The following TRPM2 variants were observed in gnomAD, a reference collection of about 807,000 sequenced individuals.
TRPM2 encodes the protein transient receptor potential cation channel subfamily M member 2, also known as estrogen-responsive element-associated gene 1 protein.
A neutral mutation model predicts 174.0 loss-of-function variants in TRPM2; 161 were observed. The ratio of observed to expected loss-of-function variants is 0.93; its 90% CI spans 0.81 to 1.05. TRPM2 has a LOEUF of 1.05. TRPM2 is among the 50% of genes least tolerant of loss of function. The pLI is 0.00. For synonymous variants in TRPM2, 954 were observed against 861.3 expected, an observed-to-expected ratio of 1.11 and a Z score of -1.88; for missense variants, 2,057 against 2,038.0, an observed-to-expected ratio of 1.01 and a Z score of -0.18.
rs1397442891 is a variant in TRPM2, at chr21:44,391,492, C to T, written c.1661C>T (p.Pro554Leu). 1.2e-6 allele frequency: 2 copies of T among 1,609,248 alleles called. No homozygotes were observed. Among genetic ancestry groups the T allele is most frequent in the African/African-American group, 1.3e-5 (1 of 75,006 alleles). The change falls in exon 11 of 32, where the codon CCC becomes CTC. Residue 554 changes from proline (P) to leucine (L), a missense_variant. Physicochemically the swap from Pro to Leu is moderately conservative, Grantham distance 98. Transcript: ENST00000397928. This position sits in a 1 kb window ranked among gnomAD's most constrained non-coding sequence, Gnocchi z 5.0. ...PERPACAPAAPRLQMHHVAQV... is the reference protein window; with the variant it reads ...PERPACAPAALRLQMHHVAQV... ...CGCCCGGCTTGCGCGCCCGCGGCGC[C>T]CCGCCTGCAGATGCACCACGTGGCC...
At chr21:44,406,835 G>C (rs536779795) in intron 19 of TRPM2, 70 bp downstream of exon 19, 6 of 1,527,630 alleles carry the variant, frequency 3.9e-6, no homozygotes, top group East Asian at 2.4e-5. Flanking sequence ...GAAAGGGGCC[G>C]CATGAGTGGG....
At chr21:44,434,365 G>A (rs1444637390) in intron 27 of TRPM2, among the ~76,000 whole-genome samples, 2 of 150,996 alleles carry the variant, frequency 1.3e-5, no homozygotes, top group Non-Finnish European at 3.0e-5. Flanking sequence ...GGACTGTGGC[G>A]GGGACACTGG....
chr21:44,359,888 C>T (rs1401802186), intron 2 of TRPM2, among the ~76,000 whole-genome samples: 2 of 151,942 alleles, frequency 1.3e-5, no homozygotes, highest in East Asian at 1.9e-4. Flanking sequence ...GCGGGGACTA[C>T]AGCTGTGCAC....
Position 44,375,954 on chromosome 21 carries a change from A to C in TRPM2, c.893A>C (p.Glu298Ala). ...DDGTHGQYGV[E>A]IPLRTRLEKF... ...GGGACCCACGGCCAGTACGGGGTGG[A>C]GATTCCTCTGAGGACCAGGCTGGAG... Residue 298 changes from glutamate to alanine, a missense_variant, in exon 6 of 32, where the codon GAG becomes GCG. Transcript: ENST00000397928. 6.2e-7 allele frequency: 1 copy of C among 1,614,102 alleles called. No homozygotes were observed. Among genetic ancestry groups the C allele is most frequent in the Non-Finnish European group, 8.5e-7 (1 of 1,180,010 alleles).
Position 44,438,989 on chromosome 21 carries a change from A to T in TRPM2, c.4168-78A>T. On this transcript the variant is annotated intron_variant, in intron 29 of 31. Coordinates refer to ENST00000397928, the MANE Select transcript of TRPM2 (RefSeq NM_003307.4). This position sits in a 1 kb window ranked among gnomAD's most constrained non-coding sequence, Gnocchi z 5.9. The stretch of plus-strand genomic sequence containing the variant: ...CGCTGCCCACGCCGGGCAGGAGGCC[A>T]GTGGAGACGGGTGCCAGGGCAGCCT... 1 of 1,225,500 alleles carries T rather than the reference A, an allele frequency of 8.2e-7. No homozygotes were observed. Among genetic ancestry groups the T allele is most frequent in the Non-Finnish European group, 1.2e-6 (1 of 856,086 alleles). 75.9% of individuals were successfully genotyped at this position (1,225,500 alleles called of 1,614,324 possible).
At chr21:44,406,517 C>T (rs777396673) in intron 18 of TRPM2, 77 bp from the exon 19 acceptor site, 59 of 1,492,870 alleles carry the variant, frequency 4.0e-5, no homozygotes, top group South Asian at 6.4e-5. Flanking sequence ...CTGTCTCCAC[C>T]GCTGCTGGGC....
At chr21:44,359,717 CT>C (rs1465837513) in intron 2 of TRPM2, among the ~76,000 whole-genome samples, 1 of 149,786 alleles carries the variant, frequency 6.7e-6, no homozygotes, top group African/African-American at 2.5e-5. Flanking sequence ...CCTGTCTCAT[CT>C]GTGTATATAT....
In TRPM2 at chr21:44,439,041, C is replaced by A; in HGVS notation, c.4168-26C>A. The A allele has an allele frequency of 6.2e-7, 1 of 1,601,140 alleles. No individual in the cohort carries two copies. The highest frequency in any genetic ancestry group is 8.5e-7 in the Non-Finnish European group (1 of 1,171,600). On this transcript the variant is annotated intron_variant, in intron 29 of 31. Coordinates refer to ENST00000397928, the MANE Select transcript of TRPM2 (RefSeq NM_003307.4). The surrounding 1 kb of genome is among the most constrained non-coding windows in gnomAD (Gnocchi z 5.1). ...AGGTCCCGCTTCGGTGCCCTGTTGA[C>A]CTGCCTCCGTCCTCTGTCTGTCCAG...
chr21:44,398,351 C>T (rs1171184448), intron 13 of TRPM2, among the ~76,000 whole-genome samples: 1 of 152,092 alleles, frequency 6.6e-6, no homozygotes, highest in Non-Finnish European at 1.5e-5. Flanking sequence ...CAGCTGCCTG[C>T]CACCACAACT....
At chr21:44,435,028 C>T (rs371633542) in intron 27 of TRPM2, 103 bp from the exon 28 acceptor site, 18 of 1,128,784 alleles carry the variant, frequency 1.6e-5, no homozygotes, top group Admixed American at 5.6e-5. Context: ...TCCCGCTGTG[C>T]GCCGGCTCCT....
chr21:44,440,304 C>CAA (rs1555907336), intron 30 of TRPM2, among the ~76,000 whole-genome samples: 8 of 41,360 alleles, frequency 1.9e-4, no homozygotes, highest in Non-Finnish European at 3.3e-4. Flanking sequence ...CCACTGCGCT[C>CAA]AAAAAAAAAA....
chr21:44,353,987 T>C, intron 1 of TRPM2, 122 bp downstream of exon 1: 1 of 1,193,494 alleles, frequency 8.4e-7, no homozygotes, highest in Non-Finnish European at 1.1e-6. Context: ...TGGGGGCTCC[T>C]GCCCAACCAT....
intron 22 of TRPM2, 110 bp from the exon 23 acceptor site, chr21:44,423,535 T>G (rs1338303433): frequency 1.1e-6 from 1 of 886,792 alleles, no homozygotes; most frequent in South Asian, 1.4e-5. Context: ...AAGCAAAGGC[T>G]GACACAGGGC....
At chr21:44,412,627 G>C (rs1406300227) in intron 19 of TRPM2, among the ~76,000 whole-genome samples, 4 of 151,388 alleles carry the variant, frequency 2.6e-5, no homozygotes, top group African/African-American at 9.7e-5. Flanking sequence ...CCTTCCTTCT[G>C]CTTGCTTTTG....
At chr21:44,425,459 G>A (rs1416477141) in intron 24 of TRPM2, 16 of 495,326 alleles carry the variant, frequency 3.2e-5, no homozygotes, top group South Asian at 2.2e-4. Flanking sequence ...GGCAGGTGCC[G>A]GCGGGGACGC....
intron 28 of TRPM2, 57 bp downstream of exon 28, chr21:44,435,274 C>A (rs951074969): frequency 8.9e-6 from 14 of 1,574,614 alleles, no homozygotes; most frequent in African/African-American, 1.3e-5. Context: ...CCCACCTTCA[C>A]AAGGGGCGGC....
At chr21:44,363,073 C>A (rs1031675207) in intron 2 of TRPM2, among the ~76,000 whole-genome samples, 2 of 150,810 alleles carry the variant, frequency 1.3e-5, no homozygotes, top group East Asian at 3.9e-4. Flanking sequence ...CGCCTCGCCG[C>A]TTTTAAAAGT....
At chr21:44,381,743 C>T (rs2048884690) in intron 8 of TRPM2, among the ~76,000 whole-genome samples, 1 of 151,948 alleles carries the variant, frequency 6.6e-6, no homozygotes, top group African/African-American at 2.4e-5. Context: ...CACATCTGTA[C>T]TAAAAATACA....
chr21:44,378,112 C>T (rs1224768843), intron 7 of TRPM2, among the ~76,000 whole-genome samples: 2 of 152,172 alleles, frequency 1.3e-5, no homozygotes, highest in Admixed American at 1.3e-4. Context: ...TACAACTCTG[C>T]CCCCAAGATT....
Sources: gnomAD v4.1 joint callset for allele counts (sites outside exome capture counted in the v4.1 genomes callset) on GRCh38, gnomAD v4.1.1 for gene constraint, Gnocchi (gnomAD v3.1) non-coding constraint, MANE v1.5 for transcripts, NCBI Gene and HGNC (gene_info 2026-07-23, HGNC 2026-07-21) for gene names.